The following GPR37 variants were observed in gnomAD, a reference collection of about 807,000 sequenced individuals.
GPR37 encodes prosaposin receptor GPR37.
Under a neutral mutation model 43.6 loss-of-function variants are expected in GPR37, and 20 were observed. That is an observed-to-expected ratio of 0.46 (90% CI 0.32 to 0.67). The LOEUF (loss-of-function observed/expected upper bound fraction) is 0.67, where lower values mean the gene tolerates loss of function less well. Among genes scored for constraint, GPR37 ranks in the 30% least tolerant of loss-of-function variants. The pLI, the probability that GPR37 is intolerant of heterozygous loss-of-function variation, is 0.03. For missense variants in GPR37, 724 were observed against 797.2 expected (o/e 0.91, Z 1.11); for synonymous variants, 315 against 322.6 (o/e 0.98, Z 0.25).
At chr7:124,759,889 A>G (rs1327107977) in intron 1 of GPR37, among the ~76,000 whole-genome samples, 1 of 152,224 alleles carries the variant, frequency 6.6e-6, no homozygotes, top group African/African-American at 2.4e-5. Context: ...TTTTTACTCA[A>G]GAAGTACCTC....
chr7:124,763,586 T>C (rs568248371), intron 1 of GPR37, among the ~76,000 whole-genome samples: 2 of 151,706 alleles, frequency 1.3e-5, no homozygotes, highest in East Asian at 3.9e-4. Context: ...TTTTTCCTTG[T>C]AGGCTCTGAT....
intron 1 of GPR37, among the ~76,000 whole-genome samples, chr7:124,760,084 T>A (rs980836983): frequency 3.3e-5 from 5 of 151,908 alleles, no homozygotes; most frequent in African/African-American, 1.2e-4. Context: ...TAAAATTAAC[T>A]ACGAAAAAAT....
intron 1 of GPR37, among the ~76,000 whole-genome samples, chr7:124,758,986 T>A (rs765905642): frequency 6.6e-5 from 10 of 152,158 alleles, no homozygotes; most frequent in Non-Finnish European, 1.3e-4. Flanking sequence ...CTCGGTCAGA[T>A]GATACCTTGA....
chr7:124,755,543 T>TA (rs146099932), intron 1 of GPR37, among the ~76,000 whole-genome samples: 17,168 of 152,190 alleles, frequency 0.11, 1,238 homozygotes, highest in African/African-American at 0.2. Flanking sequence ...ATGATGTCTA[T>TA]AGCACAGTAC....
chr7:124,765,264 C>T lies in GPR37; in HGVS notation c.-288G>A. ...GGAATAGGCTACTCCCGGTGGCTGA[C>T]CTTGAAAAGTTGCAATCAACACCTG... On this transcript the variant is annotated 5_prime_UTR_variant, in exon 1 of 2. Coordinates refer to ENST00000303921, the MANE Select transcript of GPR37 (RefSeq NM_005302.5). 1 of 364,564 alleles carries T rather than the reference C, an allele frequency of 2.7e-6. No homozygotes were observed. The allele number at this position is 364,564 out of a possible 1,614,324, so 22.6% of individuals were successfully genotyped here. A position where few individuals can be genotyped will look rare whatever the true frequency, so the allele number is the denominator to read the frequency against.
chr7:124,764,917 GAGCAGTAGCAGA>G lies in GPR37; in HGVS notation c.48_59del (p.Leu17_Leu20del). On this transcript the variant is annotated inframe_deletion, in exon 1 of 2. Transcript: ENST00000303921. This position sits in a 1 kb window ranked among gnomAD's most constrained non-coding sequence, Gnocchi z 5.4. ...CGAGGGCAGAAGAGGCAGACACCTTGAGCAGTAGCAGAAGCAGTAGCCGCGACATGCGGGCGA... is the reference window on the plus strand; with the variant it reads ...CGAGGGCAGAAGAGGCAGACACCTTGAGCAGTAGCCGCGACATGCGGGCGA... 6.3e-7 allele frequency: 1 copy of G among 1,576,026 alleles called. No individual in the cohort carries two copies. Among genetic ancestry groups the G allele is most frequent in the Non-Finnish European group, 8.6e-7 (1 of 1,163,174 alleles).
At chr7:124,748,346 G>A (rs540941077) in intron 1 of GPR37, among the ~76,000 whole-genome samples, 7 of 152,078 alleles carry the variant, frequency 4.6e-5, no homozygotes, top group East Asian at 1.9e-4. Flanking sequence ...CAGGATCTAC[G>A]TGGCTCAGAA....
intron 1 of GPR37, among the ~76,000 whole-genome samples, chr7:124,761,714 T>C (rs1793853635): frequency 6.6e-6 from 1 of 152,208 alleles, no homozygotes; most frequent in Non-Finnish European, 1.5e-5. Flanking sequence ...GACACACTTT[T>C]ATTTTGAGAT....
At position 124,746,445 on chromosome 7, in the gene GPR37, A is replaced by C; in HGVS notation, c.*80T>G. On this transcript the variant is annotated 3_prime_UTR_variant, in exon 2 of 2. Transcript: ENST00000303921. ...TTGTTTCTTTTTTGCATTTTTCCCT[A>C]TAAGGAAAAATATGAATTAAAAACT... 9.5e-7 allele frequency: 1 copy of C among 1,050,728 alleles called. No individual in the cohort carries two copies. The highest frequency in any genetic ancestry group is 1.4e-6 in the Non-Finnish European group (1 of 735,628). The allele number at this position is 1,050,728 out of a possible 1,614,324, so 65.1% of individuals were successfully genotyped here. A position where few individuals can be genotyped will look rare whatever the true frequency, so the allele number is the denominator to read the frequency against.
At chr7:124,762,316 C>A (rs560110030) in intron 1 of GPR37, among the ~76,000 whole-genome samples, 2 of 151,532 alleles carry the variant, frequency 1.3e-5, no homozygotes, top group East Asian at 1.9e-4. Flanking sequence ...TTTCTTTCCC[C>A]AATTTCCTTT....
At chr7:124,758,754 T>C (rs923762787) in intron 1 of GPR37, among the ~76,000 whole-genome samples, 2 of 152,230 alleles carry the variant, frequency 1.3e-5, no homozygotes, top group Non-Finnish European at 2.9e-5. Context: ...CCAGAGGCCA[T>C]GGTAAGACAT....
chr7:124,758,385 A>G (rs1793814441), intron 1 of GPR37, among the ~76,000 whole-genome samples: 1 of 152,236 alleles, frequency 6.6e-6, no homozygotes, highest in African/African-American at 2.4e-5. Context: ...CATTTTCCCT[A>G]AGAATACTAT....
At position 124,746,636 on chromosome 7, in the gene GPR37, C is replaced by T. The variant is rs1358211043; in HGVS notation, c.1731G>A (p.Thr577=). 3 of 1,613,854 alleles carry T rather than the reference C, an allele frequency of 1.9e-6. No homozygotes were observed. Among genetic ancestry groups the T allele is most frequent in the East Asian group, 2.2e-5 (1 of 44,866 alleles). Residue 577 remains threonine (T), a synonymous_variant, in exon 2 of 2, where the codon ACG becomes ACA. Coordinates refer to ENST00000303921, the MANE Select transcript of GPR37 (RefSeq NM_005302.5). ...CCEECIQKSS[T]VTSDDNDNEY... ...CGTTGTCATTGTCATCACTGGTCAC[C>T]GTTGAAGACTTCTGAATGCATTCCT... is the stretch of plus-strand genomic sequence containing the variant.
intron 1 of GPR37, among the ~76,000 whole-genome samples, chr7:124,763,695 T>C (rs1202457241): frequency 2.0e-5 from 3 of 152,164 alleles, no homozygotes; most frequent in Non-Finnish European, 4.4e-5. Flanking sequence ...GATAGATTTA[T>C]ACTCCAAACA....
rs1433687209 is a variant in GPR37 at position 124,746,640 on chromosome 7, G to T, written c.1727C>A (p.Ser576Ter). ...CCCEECIQKS[S>*]TVTSDDNDNE... ...GTCATTGTCATCACTGGTCACCGTT[G>T]AAGACTTCTGAATGCATTCCTCACA... Residue 576 changes from serine to a stop codon, truncating the protein, a stop_gained, in exon 2 of 2, where the codon TCA becomes TAA. Coordinates refer to ENST00000303921, the MANE Select transcript of GPR37 (RefSeq NM_005302.5). LOFTEE classifies it high-confidence loss of function. The T allele has an allele frequency of 6.2e-7, 1 of 1,613,904 alleles. No individual in the cohort carries two copies.
Position 124,747,007 on chromosome 7 carries a change from GC to G in GPR37, c.1359del (p.Leu453PhefsTer11). The G allele has an allele frequency of 6.2e-7, 1 of 1,613,926 alleles. No individual in the cohort carries two copies. The highest frequency in any genetic ancestry group is 8.5e-7 in the Non-Finnish European group (1 of 1,179,892). On this transcript the variant is annotated frameshift_variant, in exon 2 of 2. Coordinates refer to ENST00000303921, the MANE Select transcript of GPR37 (RefSeq NM_005302.5). LOFTEE classifies it high-confidence loss of function. ...GAGCAGGTGATGGTGAAAAGCGTGG[GC>G]AAACAAAAGTAACAGCCAAAATACC... ...LWWYFGCYFC[L>X]PTLFTITCSL...
chr7:124,746,646 T>G lies in GPR37; in HGVS notation c.1721A>C (p.Lys574Thr). Residue 574 changes from lysine to threonine, a missense_variant, in exon 2 of 2, where the codon AAG (lysine) becomes ACG (threonine). Around this residue, in one of 2 missense-constraint regions of GPR37, gnomAD observed 342 missense variants for 441.8 expected, o/e 0.77. Transcript: ENST00000303921. Reference protein sequence around the residue: ...CCCCCEECIQKSSTVTSDDND... With the variant: ...CCCCCEECIQTSSTVTSDDND... ...GTCATCACTGGTCACCGTTGAAGAC[T>G]TCTGAATGCATTCCTCACAGCAACA... is the stretch of plus-strand genomic sequence containing the variant. 1 of 1,613,932 alleles carries G rather than the reference T, an allele frequency of 6.2e-7. No individual in the cohort carries two copies. Among genetic ancestry groups the G allele is most frequent in the Non-Finnish European group, 8.5e-7 (1 of 1,179,870 alleles).
chr7:124,749,354 C>G (rs1029969031), intron 1 of GPR37, among the ~76,000 whole-genome samples: 2 of 151,994 alleles, frequency 1.3e-5, no homozygotes, highest in South Asian at 4.2e-4. Context: ...TTTGCTCTCC[C>G]CTGCCTGCTG....
intron 1 of GPR37, among the ~76,000 whole-genome samples, chr7:124,755,499 T>C (rs955377892): frequency 4.6e-5 from 7 of 152,158 alleles, no homozygotes; most frequent in Admixed American, 2.6e-4. Context: ...TTTTCCTTTA[T>C]AGTCCTATCT....
Sources: gnomAD v4.1 joint callset for allele counts (sites outside exome capture counted in the v4.1 genomes callset) on GRCh38, gnomAD v4.1.1 for gene constraint, gnomAD v4.1.1 regional missense constraint, Gnocchi (gnomAD v3.1) non-coding constraint, MANE v1.5 for transcripts, NCBI Gene and HGNC (gene_info 2026-07-23, HGNC 2026-07-21) for gene names.